IPCEF1: variants seen among roughly 807,000 people sequenced by gnomAD.
IPCEF1 encodes the protein interaction protein for cytohesin exchange factors 1.
IPCEF1 carries 31 observed loss-of-function variants against 50.9 expected under a neutral mutation model. The observed-to-expected ratio is 0.61, with a 90% confidence interval of 0.46 to 0.82. The LOEUF (loss-of-function observed/expected upper bound fraction) is 0.82. Among genes scored for constraint, IPCEF1 ranks in the 40% least tolerant of loss-of-function variants. The probability of loss-of-function intolerance (pLI) is 0.00; values close to 1 mark genes in which losing one functional copy is unlikely to be tolerated. For synonymous variants in IPCEF1, 181 were observed against 192.0 expected (o/e 0.94, Z 0.47); for missense variants, 458 against 514.0 (o/e 0.89, Z 1.05).
rs1163891044 is a variant in IPCEF1 at position 154,187,215 on chromosome 6, A to T, written c.910+12453T>A. On this transcript the variant is annotated intron_variant, in intron 10 of 11. Coordinates refer to ENST00000367220, the MANE Select transcript of IPCEF1 (RefSeq NM_001130700.2). ...CTTATCAGAGAGATTTTCCAGGACT[A>T]CCAATGTAAAATCACACACCCCACC... Among the ~76,000 whole-genome samples the T allele has an allele frequency of 2.5e-3, 383 of 152,194 alleles. 2 individuals are homozygous for T. Among genetic ancestry groups the T allele is most frequent in the African/African-American group, 9.1e-3 (377 of 41,526 alleles).
At chr6:154,274,592 C>T (rs903809078) in intron 2 of IPCEF1, among the ~76,000 whole-genome samples, 1 of 152,208 alleles carries the variant, frequency 6.6e-6, no homozygotes, top group African/African-American at 2.4e-5. Flanking sequence ...GGCTATTGGC[C>T]ATGCCCCTCT....
chr6:154,327,559 G>C (rs1049257101), intron 1 of IPCEF1, among the ~76,000 whole-genome samples: 1 of 151,924 alleles, frequency 6.6e-6, no homozygotes, highest in Non-Finnish European at 1.5e-5. Flanking sequence ...TAATAAAAAG[G>C]CAAAAAAACA....
chr6:154,167,624 A>T (rs1410343559), intron 11 of IPCEF1, among the ~76,000 whole-genome samples: 1 of 152,214 alleles, frequency 6.6e-6, no homozygotes, highest in African/African-American at 2.4e-5. Flanking sequence ...TATAAGGGTT[A>T]AAAAACAAAT....
chr6:154,240,361 A>G (rs912268465), intron 5 of IPCEF1, among the ~76,000 whole-genome samples: 1 of 152,210 alleles, frequency 6.6e-6, no homozygotes, highest in Non-Finnish European at 1.5e-5. Context: ...AGCTATGACT[A>G]ATGTATTCAT....
chr6:154,330,187 T>A (rs556623658), intron 1 of IPCEF1: 1 of 151,070 alleles, frequency 6.6e-6, no homozygotes, highest in South Asian at 2.1e-4. Context: ...AAATGCAAAA[T>A]CCAATTTAAA....
At chr6:154,258,310 TG>T (rs1781511808) in intron 3 of IPCEF1, among the ~76,000 whole-genome samples, 1 of 152,206 alleles carries the variant, frequency 6.6e-6, no homozygotes, top group Admixed American at 6.5e-5. Context: ...CAGCTTGGTG[TG>T]GTTAAGAAAC....
intron 1 of IPCEF1, among the ~76,000 whole-genome samples, chr6:154,339,421 C>G (rs1157291203): frequency 6.7e-6 from 1 of 150,258 alleles, no homozygotes; most frequent in Non-Finnish European, 1.5e-5. Flanking sequence ...TTACTTTTAT[C>G]TTTTTTTAAT....
At chr6:154,174,895 A>G (rs1800187213) in intron 10 of IPCEF1, among the ~76,000 whole-genome samples, 1 of 152,230 alleles carries the variant, frequency 6.6e-6, no homozygotes, top group Non-Finnish European at 1.5e-5. Context: ...CATCACACTT[A>G]TTCTAAAGTT....
chr6:154,282,530 C>A lies in IPCEF1; in HGVS notation c.-18+7183G>T, dbSNP rs559023059. Among the ~76,000 whole-genome samples, 6 of 151,744 alleles carry A rather than the reference C, an allele frequency of 4.0e-5. No homozygotes were observed. In the East Asian group the frequency reaches 7.8e-4, roughly 20 times the overall value. On this transcript the variant is annotated intron_variant, in intron 2 of 11. Coordinates refer to ENST00000367220, the MANE Select transcript of IPCEF1 (RefSeq NM_001130700.2). ...ACCCTATCTCTACTAAAAACACACA[C>A]AAAAAAATTAGGCGGGCACGGTGGC...
intron 1 of IPCEF1, among the ~76,000 whole-genome samples, chr6:154,351,398 A>G (rs1784117213): frequency 1.3e-5 from 2 of 152,280 alleles, no homozygotes; most frequent in South Asian, 4.1e-4. Context: ...CCTACGTGGT[A>G]CCACCTGACT....
At chr6:154,214,340 C>T in intron 7 of IPCEF1, 64 bp from the exon 8 acceptor site, 2 of 1,090,478 alleles carry the variant, frequency 1.8e-6, no homozygotes, top group Non-Finnish European at 2.8e-6. Context: ...TTCACCTTCC[C>T]CCAGAGTTTG....
At chr6:154,201,622 C>T (rs369861944) in intron 9 of IPCEF1, among the ~76,000 whole-genome samples, 549 of 152,278 alleles carry the variant, frequency 3.6e-3, no homozygotes, top group African/African-American at 0.013. Context: ...AGGCCAGGCG[C>T]GGTGGCTCAT....
intron 1 of IPCEF1, among the ~76,000 whole-genome samples, chr6:154,291,680 GT>G (rs34064925): frequency 0.01 from 1,079 of 104,472 alleles, 5 homozygotes; most frequent in Admixed American, 0.039. Context: ...CTCAGGAAAG[GT>G]TTTTTTTTTT....
At chr6:154,217,628 T>C (rs1778519690) in intron 7 of IPCEF1, 1 of 152,202 alleles carries the variant, frequency 6.6e-6, no homozygotes, top group Admixed American at 6.5e-5. Flanking sequence ...CACGAATACG[T>C]TTTATGTATT....
chr6:154,295,067 G>A lies in IPCEF1; in HGVS notation c.-61-5311C>T, dbSNP rs369536475. On this transcript the variant is annotated intron_variant, in intron 1 of 11. Coordinates refer to ENST00000367220, the MANE Select transcript of IPCEF1 (RefSeq NM_001130700.2). ...CAAAAAATTAGTCGGGTGTGGTGGC[G>A]GTCCCCTGTGGTCCCAGCTACTCGG... Among the ~76,000 whole-genome samples the A allele has an allele frequency of 1.9e-4, 29 of 151,974 alleles. No individual in the cohort carries two copies. In the South Asian group the frequency reaches 2.9e-3, roughly 15 times the overall value.
chr6:154,180,238 T>C (rs1298788424), intron 10 of IPCEF1, among the ~76,000 whole-genome samples: 2 of 152,008 alleles, frequency 1.3e-5, no homozygotes, highest in Non-Finnish European at 2.9e-5. Flanking sequence ...TTAATGTCAG[T>C]GACCCTTCAC....
chr6:154,335,519 A>C (rs1291958402), intron 1 of IPCEF1, among the ~76,000 whole-genome samples: 1 of 152,196 alleles, frequency 6.6e-6, no homozygotes, highest in Non-Finnish European at 1.5e-5. Flanking sequence ...ACAGCAAAGA[A>C]AACAAACAAC....
At chr6:154,241,431 C>CA (rs904396373) in intron 5 of IPCEF1, among the ~76,000 whole-genome samples, 3 of 150,130 alleles carry the variant, frequency 2.0e-5, no homozygotes, top group Admixed American at 2.0e-4. Flanking sequence ...TAAAATACAC[C>CA]AAAAAAGTAA....
At chr6:154,261,890 C>T (rs1055315094) in intron 3 of IPCEF1, among the ~76,000 whole-genome samples, 1 of 152,122 alleles carries the variant, frequency 6.6e-6, no homozygotes, top group Non-Finnish European at 1.5e-5. Context: ...ACCCATATAA[C>T]TCAATAAGTG....
Sources: allele counts gnomAD v4.1 joint callset (sites outside exome capture counted in the v4.1 genomes callset), GRCh38; gene constraint gnomAD v4.1.1; transcripts MANE v1.5; gene names NCBI Gene and HGNC (gene_info 2026-07-23, HGNC 2026-07-21).